The following BRD2 variants were observed in gnomAD, a reference collection of about 807,000 sequenced individuals.
The protein encoded by BRD2 is bromodomain containing 2.
BRD2 carries 15 observed loss-of-function variants against 79.1 expected under a neutral mutation model. That is an observed-to-expected ratio of 0.19 (90% CI 0.13 to 0.29). BRD2 has a LOEUF of 0.29. BRD2 is among the 10% of genes least tolerant of loss of function. BRD2 has a pLI of 1.00. For missense variants in BRD2, 1,053 were observed against 991.3 expected (o/e 1.06, Z -0.84); for synonymous variants, 488 against 358.6 (o/e 1.36, Z -4.08).
At position 32,980,786 on chromosome 6, in the gene BRD2, C is replaced by T. The variant is rs572040517; in HGVS notation, c.*68C>T. On this transcript the variant is annotated 3_prime_UTR_variant, in exon 13 of 13. Coordinates refer to ENST00000374825, the MANE Select transcript of BRD2 (RefSeq NM_005104.4). ...CCCCTAGACCACCCTGCCCCACCTG[C>T]CCCTTCCCCCTTTGCTGTGACACTT... The T allele has an allele frequency of 5.1e-6, 8 of 1,565,982 alleles. No homozygotes were observed. In the African/African-American group the frequency reaches 8.1e-5, roughly 16 times the overall value.
In BRD2 at chr6:32,976,407, T is replaced by C. The variant is rs1299528151; in HGVS notation, c.768T>C (p.Ser256=). 4 of 1,612,794 alleles carry C rather than the reference T, an allele frequency of 2.5e-6. No homozygotes were observed. Among genetic ancestry groups the C allele is most frequent in the Non-Finnish European group, 3.4e-6 (4 of 1,180,026 alleles). ...CTCCACTTCTCAAGTCCTTGCACTCTGCTGGACCCCCGCTCCTTGCTGTTA... is the reference window on the plus strand; with the variant it reads ...CTCCACTTCTCAAGTCCTTGCACTCCGCTGGACCCCCGCTCCTTGCTGTTA... ...ISSPLLKSLH[S]AGPPLLAVTA... The change falls in exon 6 of 13, where the codon TCT becomes TCC. Residue 256 remains serine, a synonymous_variant. Transcript: ENST00000374825.
intron 2 of BRD2, chr6:32,973,224 G>A: frequency 1.4e-6 from 2 of 1,429,944 alleles, no homozygotes; most frequent in Non-Finnish European, 1.9e-6. Flanking sequence ...AGGTTGAACA[G>A]CAGGTTTGGC....
rs201559705 is a variant in BRD2 at position 32,971,587 on chromosome 6, C to G, written c.-1304-8C>G. 4.4e-6 allele frequency: 2 copies of G among 456,658 alleles called. No homozygotes were observed. Among genetic ancestry groups the G allele is most frequent in the South Asian group, 4.5e-5 (1 of 22,280 alleles). The allele number at this position is 456,658 out of a possible 1,614,324, so 28.3% of individuals were successfully genotyped here. A position where few individuals can be genotyped will look rare whatever the true frequency, so the allele number is the denominator to read the frequency against. ...GCTTCTAAGATGGCGTCTTTTTCCTCGTTTCAGATTCTTCGCTGCTGCTGC... is the reference window on the plus strand; with the variant it reads ...GCTTCTAAGATGGCGTCTTTTTCCTGGTTTCAGATTCTTCGCTGCTGCTGC... On this transcript the variant is annotated splice_polypyrimidine_tract_variant and splice_region_variant and intron_variant, in intron 1 of 12. Coordinates refer to ENST00000374825, the MANE Select transcript of BRD2 (RefSeq NM_005104.4).
Position 32,977,537 on chromosome 6 carries a change from T to C in BRD2, c.1296T>C (p.Asp432=). The C allele has an allele frequency of 1.9e-6, 3 of 1,614,026 alleles. No homozygotes were observed. Among genetic ancestry groups the C allele is most frequent in the Non-Finnish European group, 2.5e-6 (3 of 1,180,034 alleles). The part of the protein sequence containing the change: ...FSNCYKYNPP[D]HDVVAMARKL... ...ACTGCTATAAGTACAATCCCCCAGA[T>C]CACGATGTTGTGGCAATGGCACGAA... The change falls in exon 8 of 13, where the codon GAT becomes GAC. Residue 432 remains aspartate (D), a synonymous_variant. Coordinates refer to ENST00000374825, the MANE Select transcript of BRD2 (RefSeq NM_005104.4).
At chr6:32,974,834 C>T in intron 3 of BRD2, 69 bp downstream of exon 3, 2 of 1,553,898 alleles carry the variant, frequency 1.3e-6, no homozygotes, top group South Asian at 1.2e-5. Flanking sequence ...GGGTGGTCTG[C>T]CTAGTGTAGA....
At chr6:32,979,504 TGAA>T (rs1779250914) in intron 10 of BRD2, 1 of 343,962 alleles carries the variant, frequency 2.9e-6, no homozygotes, top group Non-Finnish European at 5.3e-6. Flanking sequence ...TTTTTTTAGT[TGAA>T]GATTTGTGAC....
At chr6:32,972,993 G>T (rs1410017880) in intron 2 of BRD2, 66 bp downstream of exon 2, 26 of 1,613,702 alleles carry the variant, frequency 1.6e-5, no homozygotes, top group Non-Finnish European at 3.4e-6. Context: ...GGTGTGGGGC[G>T]CCGTGTTGGG....
intron 3 of BRD2, 158 bp from the exon 4 acceptor site, chr6:32,975,226 T>A (rs909427527): frequency 8.2e-7 from 1 of 1,224,664 alleles, no homozygotes; most frequent in Admixed American, 2.5e-5. Context: ...TTATTTATTT[T>A]GTCCCACAGT....
intron 7 of BRD2, 92 bp downstream of exon 7, chr6:32,977,028 C>G (rs770257296): frequency 2.1e-6 from 3 of 1,463,370 alleles, no homozygotes; most frequent in South Asian, 2.7e-5. Context: ...ACACAGCAGT[C>G]TTTGGTTCTT....
chr6:32,974,968 T>C (rs1268567268), intron 3 of BRD2: 1 of 1,463,666 alleles, frequency 6.8e-7, no homozygotes, highest in African/African-American at 1.4e-5. Flanking sequence ...CATCTTTCCT[T>C]GTGCCCTCCA....
chr6:32,979,856 C>T lies in BRD2; in HGVS notation c.1870C>T (p.Pro624Ser). ...KLPKKATKTAPPALPTGYDSE... is the reference protein window; with the variant it reads ...KLPKKATKTASPALPTGYDSE... ...CCCCAAAAAGGCCACAAAGACAGCC[C>T]CACCTGCCCTGCCTACAGGTTATGA... The change falls in exon 11 of 13, where the codon CCA (proline) becomes TCA (serine). Residue 624 changes from proline (P) to serine (S), a missense_variant. Transcript: ENST00000374825. The T allele has an allele frequency of 6.2e-7, 1 of 1,612,606 alleles. No individual in the cohort carries two copies. The highest frequency in any genetic ancestry group is 1.3e-5 in the African/African-American group (1 of 75,018).
At position 32,972,193 on chromosome 6, in the gene BRD2, G is replaced by A; in HGVS notation, c.-706G>A. The A allele has an allele frequency of 5.4e-6, 3 of 555,302 alleles. No individual in the cohort carries two copies. The highest frequency in any genetic ancestry group is 9.8e-6 in the Non-Finnish European group (3 of 305,624). 34.4% of individuals were successfully genotyped at this position (555,302 alleles called of 1,614,324 possible). A position where few individuals can be genotyped will look rare whatever the true frequency, so the allele number is the denominator to read the frequency against. ...ATATAAAGGGCTGGCGCGGGGCTCG[G>A]CGGCGCCATTTCGTGCTGGAGTGGA... On this transcript the variant is annotated 5_prime_UTR_variant, in exon 2 of 13. Transcript: ENST00000374825.
chr6:32,973,049 A>G (rs1778240748), intron 2 of BRD2, 122 bp downstream of exon 2: 6 of 1,605,652 alleles, frequency 3.7e-6, no homozygotes, highest in South Asian at 1.1e-5. Context: ...GCAGCTGTCG[A>G]CTCGGTCGCG....
In BRD2 at chr6:32,978,650, A is replaced by G. The variant is rs1779096441; in HGVS notation, c.1841+262A>G. 1.2e-5 allele frequency: 7 copies of G among 591,908 alleles called. No homozygotes were observed. In the South Asian group the frequency reaches 1.5e-4, roughly 13 times the overall value. The allele number at this position is 591,908 out of a possible 1,614,324, so 36.7% of individuals were successfully genotyped here. ...CATTGGATTCCCATAAGGAGCATGC[A>G]GCCTGGATATGTACCATGCGCACTT... On this transcript the variant is annotated intron_variant, in intron 10 of 12. Coordinates refer to ENST00000374825, the MANE Select transcript of BRD2 (RefSeq NM_005104.4).
chr6:32,973,383 T>A (rs1430878742), intron 2 of BRD2, among the ~76,000 whole-genome samples: 1 of 152,126 alleles, frequency 6.6e-6, no homozygotes, highest in African/African-American at 2.4e-5. Flanking sequence ...GGGATCACTC[T>A]CCCGTGTGTG....
chr6:32,971,888 C>G lies in BRD2; in HGVS notation c.-1011C>G. The stretch of plus-strand genomic sequence containing the variant: ...AACCACCCTCTTTCCCTGGAGTCGG[C>G]GGACCACAGCTCAGCCAATTGGCTT... On this transcript the variant is annotated 5_prime_UTR_variant, in exon 2 of 13. Transcript: ENST00000374825. 1 of 702,282 alleles carries G rather than the reference C, an allele frequency of 1.4e-6. No individual in the cohort carries two copies. Among genetic ancestry groups the G allele is most frequent in the Admixed American group, 2.0e-5 (1 of 49,766 alleles). 43.5% of individuals were successfully genotyped at this position (702,282 alleles called of 1,614,324 possible). A position where few individuals can be genotyped will look rare whatever the true frequency, so the allele number is the denominator to read the frequency against.
At chr6:32,973,129 GGTT>G in intron 2 of BRD2, 3 of 1,551,186 alleles carry the variant, frequency 1.9e-6, no homozygotes, top group Non-Finnish European at 2.6e-6. Context: ...GGGGAATACA[GGTT>G]GTCAATTTAT....
rs372863406 is a variant in BRD2, at chr6:32,970,972, C to T, written c.-1304-623C>T. 118 of 132,912 alleles carry T rather than the reference C, an allele frequency of 8.9e-4. 1 individual carries two copies. The highest frequency in any genetic ancestry group is 8.0e-3 in the South Asian group (28 of 3,498). 8.2% of individuals were successfully genotyped at this position (132,912 alleles called of 1,614,324 possible). On this transcript the variant is annotated intron_variant, in intron 1 of 12. Coordinates refer to ENST00000374825, the MANE Select transcript of BRD2 (RefSeq NM_005104.4). ...GCGCTGACCGATGGACCAGCCGCTC[C>T]GTGGGGAGGACTCCGGACCCTGGTG...
At position 32,972,932 on chromosome 6, in the gene BRD2, G is replaced by C; in HGVS notation, c.29+5G>C. On this transcript the variant is annotated splice_donor_5th_base_variant and intron_variant, in intron 2 of 12. Transcript: ENST00000374825. Reference sequence around the variant, plus strand: ...AAACGTGACTCCCCACAATAAGTACGTTTCCGCGAGCCGCGTGTGGGAAGG... The same window carrying C: ...AAACGTGACTCCCCACAATAAGTACCTTTCCGCGAGCCGCGTGTGGGAAGG... The C allele has an allele frequency of 6.2e-7, 1 of 1,614,064 alleles. No homozygotes were observed. Among genetic ancestry groups the C allele is most frequent in the Non-Finnish European group, 8.5e-7 (1 of 1,179,962 alleles).
Sources: gnomAD v4.1 joint callset for allele counts (sites outside exome capture counted in the v4.1 genomes callset) on GRCh38, gnomAD v4.1.1 for gene constraint, MANE v1.5 for transcripts, NCBI Gene and HGNC (gene_info 2026-07-23, HGNC 2026-07-21) for gene names.